The following CHRNA7 variants were observed in gnomAD, a reference collection of about 807,000 sequenced individuals.
CHRNA7 encodes the protein cholinergic receptor nicotinic alpha 7 subunit, also known as neuronal acetylcholine receptor subunit alpha-7.
CHRNA7 carries 17 observed loss-of-function variants against 48.0 expected under a neutral mutation model. The observed-to-expected ratio is 0.35, with a 90% confidence interval of 0.24 to 0.53. CHRNA7 has a LOEUF of 0.53. Among genes scored for constraint, CHRNA7 ranks in the 20% least tolerant of loss-of-function variants. The pLI, the probability that CHRNA7 is intolerant of heterozygous loss-of-function variation, is 0.92. For synonymous variants in CHRNA7, 75 were observed against 242.3 expected (o/e 0.31, Z 6.41); for missense variants, 155 against 577.7 (o/e 0.27, Z 7.50).
intron 2 of CHRNA7, among the ~76,000 whole-genome samples, chr15:32,038,545 T>A (rs977859111): frequency 6.6e-6 from 1 of 152,228 alleles, no homozygotes; most frequent in African/African-American, 2.4e-5. Flanking sequence ...ATTTTTAAAT[T>A]TTTGGTTGAG....
intron 2 of CHRNA7, among the ~76,000 whole-genome samples, chr15:32,078,467 A>G (rs2050167019): frequency 6.6e-6 from 1 of 152,066 alleles, no homozygotes; most frequent in South Asian, 2.1e-4. Flanking sequence ...ATGTCTTTTA[A>G]AGACTATTGG....
intron 4 of CHRNA7, among the ~76,000 whole-genome samples, chr15:32,144,974 C>T (rs748447133): frequency 2.6e-5 from 4 of 152,176 alleles, no homozygotes; most frequent in East Asian, 1.9e-4. Flanking sequence ...CAAGGAGCTG[C>T]GATCCTTTGG....
At chr15:32,150,045 T>C (rs2051590461) in intron 4 of CHRNA7, among the ~76,000 whole-genome samples, 2 of 152,126 alleles carry the variant, frequency 1.3e-5, no homozygotes, top group Non-Finnish European at 2.9e-5. Context: ...TTCAAAAATA[T>C]TTATGTTTTT....
At chr15:32,145,628 C>T (rs1027647417) in intron 4 of CHRNA7, among the ~76,000 whole-genome samples, 1 of 152,142 alleles carries the variant, frequency 6.6e-6, no homozygotes, top group African/African-American at 2.4e-5. Context: ...TCAGCAGTGG[C>T]GGACACCCCT....
intron 2 of CHRNA7, among the ~76,000 whole-genome samples, chr15:32,091,544 A>G (rs1018724998): frequency 4.6e-5 from 7 of 152,196 alleles, no homozygotes; most frequent in African/African-American, 1.7e-4. Context: ...AATAGAGTGT[A>G]CCCTGACCTG....
Position 32,031,034 on chromosome 15 carries a change from C to T in CHRNA7, c.192C>T (p.Asp64=). The change falls in exon 2 of 10, where the codon GAC becomes GAT. Residue 64 remains aspartate (D), a synonymous_variant. Coordinates refer to ENST00000306901, the MANE Select transcript of CHRNA7 (RefSeq NM_000746.6). The part of the protein sequence containing the change: ...YFSLSLLQIM[D]VDEKNQVLTT... Reference sequence around the variant, plus strand: ...CCCTGAGCCTCCTGCAGATCATGGACGTGGTGAGTCCCGCCTGGCTACAGG... The same window carrying T: ...CCCTGAGCCTCCTGCAGATCATGGATGTGGTGAGTCCCGCCTGGCTACAGG... The T allele has an allele frequency of 6.2e-7, 1 of 1,614,150 alleles. No individual in the cohort carries two copies. Among genetic ancestry groups the T allele is most frequent in the Non-Finnish European group, 8.5e-7 (1 of 1,179,990 alleles).
At chr15:32,123,867 C>T (rs148209326) in intron 4 of CHRNA7, among the ~76,000 whole-genome samples, 2 of 147,130 alleles carry the variant, frequency 1.4e-5, no homozygotes, top group African/African-American at 5.1e-5. Context: ...TCTTGCTCAT[C>T]TGTCTTTTGT....
chr15:32,080,806 G>A (rs1052621908), intron 2 of CHRNA7, among the ~76,000 whole-genome samples: 1 of 152,112 alleles, frequency 6.6e-6, no homozygotes, highest in Non-Finnish European at 1.5e-5. Flanking sequence ...TATATCCAAA[G>A]GAATATAAAT....
At chr15:32,066,729 A>G (rs1053331653) in intron 2 of CHRNA7, among the ~76,000 whole-genome samples, 1 of 152,238 alleles carries the variant, frequency 6.6e-6, no homozygotes, top group South Asian at 2.1e-4. Flanking sequence ...TGAGTTTACT[A>G]GCAAAACACT....
chr15:32,051,042 GT>G (rs370304634), intron 2 of CHRNA7, among the ~76,000 whole-genome samples: 39,932 of 151,722 alleles, frequency 0.26, 6,386 homozygotes, highest in East Asian at 0.61. Flanking sequence ...CGTGTGAGGT[GT>G]CAGTCTGCCC....
chr15:32,120,725 T>TCCA (rs2050953943), intron 4 of CHRNA7, among the ~76,000 whole-genome samples: 1 of 152,054 alleles, frequency 6.6e-6, no homozygotes, highest in Non-Finnish European at 1.5e-5. Flanking sequence ...AACGGGCCAG[T>TCCA]CCACGGAGCA....
At chr15:32,141,396 G>A (rs1461975940) in intron 4 of CHRNA7, among the ~76,000 whole-genome samples, 4 of 152,160 alleles carry the variant, frequency 2.6e-5, no homozygotes, top group Non-Finnish European at 5.9e-5. Context: ...GATTGTCTTG[G>A]CTATGTGGGC....
intron 2 of CHRNA7, among the ~76,000 whole-genome samples, chr15:32,081,175 T>C (rs72713574): frequency 0.084 from 12,801 of 151,996 alleles, 715 homozygotes; most frequent in African/African-American, 0.14. Flanking sequence ...TCAGGAAAAA[T>C]AGCAAATGCA....
At chr15:32,038,951 G>A (rs1347001915) in intron 2 of CHRNA7, among the ~76,000 whole-genome samples, 1 of 152,108 alleles carries the variant, frequency 6.6e-6, no homozygotes, top group East Asian at 1.9e-4. Flanking sequence ...GATAGATATA[G>A]GCCCATTCAA....
At chr15:32,117,311 G>A (rs1273572288) in intron 4 of CHRNA7, among the ~76,000 whole-genome samples, 1 of 152,212 alleles carries the variant, frequency 6.6e-6, no homozygotes, top group African/African-American at 2.4e-5. Flanking sequence ...CATAGGCTGA[G>A]AGCTGCTTCC....
At chr15:32,121,800 G>A (rs915320593) in intron 4 of CHRNA7, among the ~76,000 whole-genome samples, 4 of 152,164 alleles carry the variant, frequency 2.6e-5, no homozygotes, top group East Asian at 1.9e-4. Context: ...GGCCCTTAGC[G>A]GGGAGGGGGA....
At chr15:32,166,484 G>A (rs2052154551) in intron 9 of CHRNA7, 1 of 152,332 alleles carries the variant, frequency 6.6e-6, no homozygotes, top group Admixed American at 6.5e-5. Context: ...GTGCTTCCCT[G>A]TTCTTGTCCC....
In CHRNA7 at chr15:32,114,931, G is replaced by A. The variant is rs560422124; in HGVS notation, c.350+3032G>A. Among the ~76,000 whole-genome samples, 7 of 152,318 alleles carry A rather than the reference G, an allele frequency of 4.6e-5. No homozygotes were observed. In the East Asian group the frequency reaches 5.8e-4, roughly 13 times the overall value. Reference sequence around the variant, plus strand: ...AGGTCTGGGCTGAGCTGGTGGGGACGCCGGCCCTGGCAGGAAGCTCAGCCA... The same window carrying A: ...AGGTCTGGGCTGAGCTGGTGGGGACACCGGCCCTGGCAGGAAGCTCAGCCA... On this transcript the variant is annotated intron_variant, in intron 4 of 9. Transcript: ENST00000306901.
chr15:32,120,334 G>A (rs937377769), intron 4 of CHRNA7, among the ~76,000 whole-genome samples: 1 of 152,086 alleles, frequency 6.6e-6, no homozygotes, highest in African/African-American at 2.4e-5. Flanking sequence ...CTCCACTTTC[G>A]CACCTGCTCT....
Sources: gnomAD v4.1 joint callset for allele counts (sites outside exome capture counted in the v4.1 genomes callset) on GRCh38, gnomAD v4.1.1 for gene constraint, MANE v1.5 for transcripts, NCBI Gene and HGNC (gene_info 2026-07-23, HGNC 2026-07-21) for gene names.